KCNJ3: variants seen among roughly 807,000 people sequenced by gnomAD.
The protein encoded by KCNJ3 is G protein-activated inward rectifier potassium channel 1.
A neutral mutation model predicts 39.2 loss-of-function variants in KCNJ3; 4 were observed. The observed-to-expected ratio is 0.10, with a 90% CI of 0.05 to 0.23. KCNJ3 has a LOEUF of 0.23. KCNJ3 is among the 10% of genes least tolerant of loss of function. The probability of loss-of-function intolerance (pLI) is 1.00; values close to 1 mark genes in which losing one functional copy is unlikely to be tolerated. For synonymous variants in KCNJ3, 230 were observed against 237.4 expected, an observed-to-expected ratio of 0.97 and a Z score of 0.29; for missense variants, 276 against 634.9, an observed-to-expected ratio of 0.43 and a Z score of 6.08.
intron 2 of KCNJ3, among the ~76,000 whole-genome samples, chr2:154,780,392 G>A (rs1212478614): frequency 2.0e-5 from 3 of 152,144 alleles, no homozygotes; most frequent in Admixed American, 6.5e-5. Flanking sequence ...GATGGAGAAC[G>A]ATGCAACAAT....
intron 1 of KCNJ3, among the ~76,000 whole-genome samples, chr2:154,703,286 T>A (rs36064786): frequency 0.028 from 4,315 of 152,130 alleles, 54 homozygotes; most frequent in African/African-American, 0.037. Context: ...AAGGTAAGGA[T>A]TAATTTTCTG....
At chr2:154,785,264 A>G (rs574793897) in intron 2 of KCNJ3, among the ~76,000 whole-genome samples, 3 of 152,300 alleles carry the variant, frequency 2.0e-5, no homozygotes, top group East Asian at 3.9e-4. Flanking sequence ...TTGATTCCTC[A>G]CAGTTTAGGA....
chr2:154,802,028 C>CATCT (rs1473253432), intron 2 of KCNJ3, among the ~76,000 whole-genome samples: 3 of 152,148 alleles, frequency 2.0e-5, no homozygotes, highest in African/African-American at 7.2e-5. Context: ...ATGTTGTTTG[C>CATCT]ATCTGTAGAA....
intron 2 of KCNJ3, among the ~76,000 whole-genome samples, chr2:154,766,166 G>T (rs904523622): frequency 2.0e-5 from 3 of 152,152 alleles, no homozygotes; most frequent in African/African-American, 7.2e-5. Context: ...GCAAAAGGAC[G>T]TAATGAGCAA....
chr2:154,717,779 T>G (rs1332340630), intron 2 of KCNJ3, among the ~76,000 whole-genome samples: 2 of 152,196 alleles, frequency 1.3e-5, no homozygotes, highest in Non-Finnish European at 2.9e-5. Context: ...GAGGTGTACC[T>G]GTAATTTTCC....
chr2:154,738,575 A>G (rs1685590537), intron 2 of KCNJ3, among the ~76,000 whole-genome samples: 1 of 152,100 alleles, frequency 6.6e-6, no homozygotes, highest in South Asian at 2.1e-4. Context: ...TAAAAACTAT[A>G]TACTACAAAA....
At chr2:154,815,931 T>C (rs1002936228) in intron 2 of KCNJ3, among the ~76,000 whole-genome samples, 2 of 152,196 alleles carry the variant, frequency 1.3e-5, no homozygotes, top group Admixed American at 6.5e-5. Flanking sequence ...AAGTGTTTCT[T>C]GGCAGCCAGA....
chr2:154,849,083 G>A (rs1400933466), intron 2 of KCNJ3, among the ~76,000 whole-genome samples: 1 of 152,084 alleles, frequency 6.6e-6, no homozygotes, highest in African/African-American at 2.4e-5. Context: ...CCTCAAGCCT[G>A]ATTTCTTATG....
rs144538972 is a variant in KCNJ3 at position 154,794,640 on chromosome 2, G to A, written c.920-60087G>A. Among the ~76,000 whole-genome samples the A allele has an allele frequency of 3.0e-3, 459 of 152,084 alleles. 3 individuals are homozygous for A. The highest frequency in any genetic ancestry group is 5.0e-3 in the Non-Finnish European group (340 of 67,920). ...GCAAAGAAGATTAACTTGCCAAATG[G>A]CATCTTGCCCTCAAAGTCATAATGA... On this transcript the variant is annotated intron_variant, in intron 2 of 2. Coordinates refer to ENST00000295101, the MANE Select transcript of KCNJ3 (RefSeq NM_002239.4).
chr2:154,768,728 G>T (rs547385586), intron 2 of KCNJ3, among the ~76,000 whole-genome samples: 458 of 152,138 alleles, frequency 3.0e-3, no homozygotes, highest in Non-Finnish European at 4.1e-3. Context: ...GTGAATTAAG[G>T]CATTGGTAGC....
chr2:154,810,110 A>C (rs990124303), intron 2 of KCNJ3, among the ~76,000 whole-genome samples: 1 of 151,802 alleles, frequency 6.6e-6, no homozygotes, highest in Non-Finnish European at 1.5e-5. Flanking sequence ...TAGAGAAAGG[A>C]TCTCTCTCTG....
intron 2 of KCNJ3, among the ~76,000 whole-genome samples, chr2:154,788,274 G>C (rs1686569025): frequency 6.6e-6 from 1 of 152,088 alleles, no homozygotes; most frequent in African/African-American, 2.4e-5. Flanking sequence ...GAGATATTGA[G>C]AAGATATAAT....
At chr2:154,827,206 CT>C (rs1428609616) in intron 2 of KCNJ3, among the ~76,000 whole-genome samples, 3 of 152,046 alleles carry the variant, frequency 2.0e-5, no homozygotes. Flanking sequence ...TGACTTATAT[CT>C]TTTTTGATTT....
At chr2:154,710,187 A>T (rs1685078255) in intron 2 of KCNJ3, among the ~76,000 whole-genome samples, 1 of 152,108 alleles carries the variant, frequency 6.6e-6, no homozygotes, top group African/African-American at 2.4e-5. Context: ...TGAAATCAGC[A>T]TGCATATTCT....
intron 1 of KCNJ3, 161 bp from the exon 2 acceptor site, chr2:154,709,442 C>T (rs867018320): frequency 5.9e-6 from 4 of 672,428 alleles, no homozygotes; most frequent in Admixed American, 3.0e-5. Context: ...TGTGGGATTT[C>T]GGCCCATTTG....
intron 2 of KCNJ3, among the ~76,000 whole-genome samples, chr2:154,719,957 G>C (rs1685240886): frequency 6.6e-6 from 1 of 152,066 alleles, no homozygotes; most frequent in African/African-American, 2.4e-5. Context: ...CCCAGGCTCT[G>C]TCTGAAAAAG....
At chr2:154,814,271 T>C (rs183950249) in intron 2 of KCNJ3, among the ~76,000 whole-genome samples, 79 of 152,324 alleles carry the variant, frequency 5.2e-4, no homozygotes, top group Non-Finnish European at 7.9e-4. Context: ...GCAAATCTTT[T>C]AAATATATAG....
chr2:154,768,902 C>T (rs1017362729), intron 2 of KCNJ3, among the ~76,000 whole-genome samples: 37 of 152,240 alleles, frequency 2.4e-4, no homozygotes, highest in South Asian at 1.0e-3. Flanking sequence ...AGGTCCTTCA[C>T]GTCCCTTTAA....
chr2:154,812,340 C>T (rs1208992508), intron 2 of KCNJ3, among the ~76,000 whole-genome samples: 3 of 152,008 alleles, frequency 2.0e-5, no homozygotes, highest in Non-Finnish European at 2.9e-5. Flanking sequence ...TGACAGACTG[C>T]CTTGTCATGG....
Sources: gnomAD v4.1 joint callset for allele counts (sites outside exome capture counted in the v4.1 genomes callset) on GRCh38, gnomAD v4.1.1 for gene constraint, MANE v1.5 for transcripts, NCBI Gene and HGNC (gene_info 2026-07-23, HGNC 2026-07-21) for gene names.